Variants in MLLT10 observed in about 807,000 individuals in gnomAD.
MLLT10 encodes the protein protein AF-10.
In MLLT10, 30 loss-of-function variants were observed where a neutral mutation model predicts 129.1. The observed-to-expected ratio is 0.23, with a 90% CI of 0.17 to 0.32. The LOEUF (loss-of-function observed/expected upper bound fraction) is 0.32, where lower values mean the gene tolerates loss of function less well. MLLT10 is among the 10% of genes least tolerant of loss of function. MLLT10 has a pLI of 1.00. For synonymous variants in MLLT10, 490 were observed against 446.4 expected, an observed-to-expected ratio of 1.10 and a Z score of -1.23; for missense variants, 1,119 against 1,268.3, an observed-to-expected ratio of 0.88 and a Z score of 1.79.
chr10:21,561,055 G>T (rs1235953617), intron 3 of MLLT10, among the ~76,000 whole-genome samples: 3 of 152,102 alleles, frequency 2.0e-5, no homozygotes, highest in Admixed American at 6.6e-5. Context: ...TTGTCTTTTC[G>T]CTCTGTTGAG....
chr10:21,595,594 A>G lies in MLLT10; in HGVS notation c.405+154A>G, dbSNP rs182328663. The stretch of plus-strand genomic sequence containing the variant: ...AACTGCAGTTATTAAAATGTTATTA[A>G]TATGTTACTAAGGTCACAGGAGTAC... On this transcript the variant is annotated intron_variant, in intron 5 of 22. Coordinates refer to ENST00000307729, the MANE Select transcript of MLLT10 (RefSeq NM_001195626.3). 1,133 of 568,326 alleles carry G rather than the reference A, an allele frequency of 2.0e-3. 8 individuals are homozygous for G. Among genetic ancestry groups the G allele is most frequent in the African/African-American group, 0.019 (997 of 53,842 alleles). 35.2% of individuals were successfully genotyped at this position (568,326 alleles called of 1,614,324 possible). A position where few individuals can be genotyped will look rare whatever the true frequency, so the allele number is the denominator to read the frequency against.
chr10:21,555,675 A>AATT lies in MLLT10; in HGVS notation c.240+16763_240+16764insATT, dbSNP rs1554788897. On this transcript the variant is annotated intron_variant, in intron 3 of 22. Transcript: ENST00000307729. ...TCAGCCTTGATTCAAATGTAAGACAATTTTTTTTTTTTTTTTTTTGAGAGG... is the reference window on the plus strand; with the variant it reads ...TCAGCCTTGATTCAAATGTAAGACAAATTTTTTTTTTTTTTTTTTTTTGAGAGG... 2.3e-4 allele frequency among the ~76,000 whole-genome samples: 30 copies of AATT among 132,732 alleles called. 1 individual carries two copies. Among genetic ancestry groups the AATT allele is most frequent in the East Asian group, 4.5e-4 (2 of 4,418 alleles). 87.1% of individuals were successfully genotyped at this position (132,732 alleles called of 152,430 possible). A position where few individuals can be genotyped will look rare whatever the true frequency, so the allele number is the denominator to read the frequency against.
chr10:21,742,975 G>A lies in MLLT10; in HGVS notation c.*992G>A, dbSNP rs975830425. The stretch of plus-strand genomic sequence containing the variant: ...ACTAATGAGTCACAAGAAAAGGAGT[G>A]GATTTGGTAAGAATAGAGATTTGTT... On this transcript the variant is annotated 3_prime_UTR_variant, in exon 23 of 23. Coordinates refer to ENST00000307729, the MANE Select transcript of MLLT10 (RefSeq NM_001195626.3). The A allele has an allele frequency of 8.7e-6, 2 of 229,454 alleles. No homozygotes were observed. The highest frequency in any genetic ancestry group is 1.7e-5 in the Non-Finnish European group (2 of 115,802). The allele number at this position is 229,454 out of a possible 1,614,324, so 14.2% of individuals were successfully genotyped here. A position where few individuals can be genotyped will look rare whatever the true frequency, so the allele number is the denominator to read the frequency against.
intron 8 of MLLT10, among the ~76,000 whole-genome samples, chr10:21,648,963 A>G (rs975378064): frequency 1.3e-5 from 2 of 152,192 alleles, no homozygotes; most frequent in African/African-American, 4.8e-5. Context: ...ACCTCCTACC[A>G]GGTCCCTCCC....
At chr10:21,555,178 C>A (rs1167650337) in intron 3 of MLLT10, among the ~76,000 whole-genome samples, 1 of 151,808 alleles carries the variant, frequency 6.6e-6, no homozygotes, top group Non-Finnish European at 1.5e-5. Context: ...TTTTTGTAAT[C>A]TTCTGTTCAA....
In MLLT10 at chr10:21,733,833, G is replaced by T. The variant is rs768538380; in HGVS notation, c.2562G>T (p.Gly854=). 1.2e-6 allele frequency: 2 copies of T among 1,614,024 alleles called. No homozygotes were observed. Among genetic ancestry groups the T allele is most frequent in the Non-Finnish European group, 8.5e-7 (1 of 1,180,044 alleles). The change falls in exon 20 of 23, where the codon GGG becomes GGT. Residue 854 remains glycine (G), a synonymous_variant. Transcript: ENST00000307729. ...CTCTTTCTACCCCACCTCCTGCTGG[G>T]CAGAGTCCGGCTCAACAAGGCTCAG... The part of the protein sequence containing the change: ...SSALSTPPPA[G]QSPAQQGSGV...
chr10:21,557,131 C>T, intron 3 of MLLT10: 2 of 1,380,484 alleles, frequency 1.4e-6, no homozygotes, highest in South Asian at 3.7e-5. Context: ...TTTGTCTTTT[C>T]CTCTTCGCTG....
rs184502607 is a variant in MLLT10, at chr10:21,736,573, G to A, written c.2955+1338G>A. On this transcript the variant is annotated intron_variant, in intron 21 of 22. Transcript: ENST00000307729. ...TGGAATTACAGGTGTGAGCCACTGT[G>A]CCCAGCCAAGATGTTTTGAAGACAG... 2.2e-3 allele frequency among the ~76,000 whole-genome samples: 333 copies of A among 152,340 alleles called. 3 individuals carry two copies. Among genetic ancestry groups the A allele is most frequent in the African/African-American group, 7.7e-3 (320 of 41,572 alleles).
intron 3 of MLLT10, among the ~76,000 whole-genome samples, chr10:21,579,814 C>T (rs1178456865): frequency 8.6e-5 from 13 of 151,858 alleles, no homozygotes; most frequent in Non-Finnish European, 1.8e-4. Context: ...CCACCCACCT[C>T]GGCCTCCCAA....
In MLLT10 at chr10:21,670,683, G is replaced by C; in HGVS notation, c.1030G>C (p.Ala344Pro). The C allele has an allele frequency of 1.9e-6, 3 of 1,613,950 alleles. No homozygotes were observed. The highest frequency in any genetic ancestry group is 2.2e-5 in the South Asian group (2 of 91,042). The change falls in exon 10 of 23, where the codon GCA (alanine) becomes CCA (proline). Residue 344 changes from alanine (A) to proline (P), a missense_variant. Physicochemically the swap from Ala to Pro is conservative, Grantham distance 27. Transcript: ENST00000307729. ...GGRNPGTTVS[A>P]ASPFPQGSFS... ...AAGAAATCCAGGAACAACTGTGTCAGCAGCTAGCCCTTTTCCTCAAGGTAT... is the reference window on the plus strand; with the variant it reads ...AAGAAATCCAGGAACAACTGTGTCACCAGCTAGCCCTTTTCCTCAAGGTAT...
At chr10:21,539,043 CAAAT>C in intron 3 of MLLT10, 131 bp downstream of exon 3, 1 of 561,354 alleles carries the variant, frequency 1.8e-6, no homozygotes, top group Non-Finnish European at 3.1e-6. Context: ...TAATTTAGGC[CAAAT>C]ATTGACTTGG....
chr10:21,733,682 C>G, intron 19 of MLLT10, 86 bp from the exon 20 acceptor site: 4 of 1,495,434 alleles, frequency 2.7e-6, no homozygotes, highest in South Asian at 2.7e-5. Flanking sequence ...AACAGTTTTG[C>G]AGTGTTCTTT....
chr10:21,689,795 T>C (rs1340447612), intron 13 of MLLT10, among the ~76,000 whole-genome samples: 2 of 151,320 alleles, frequency 1.3e-5, no homozygotes, highest in African/African-American at 4.9e-5. Context: ...ACCTGTACTT[T>C]AGGAAGTTTC....
intron 8 of MLLT10, among the ~76,000 whole-genome samples, chr10:21,618,880 A>G (rs891929842): frequency 6.6e-6 from 1 of 152,054 alleles, no homozygotes; most frequent in East Asian, 1.9e-4. Flanking sequence ...TTACAGGCAC[A>G]TGCCACCATG....
At chr10:21,617,310 T>C (rs1434137980) in intron 8 of MLLT10, 103 bp downstream of exon 8, 3 of 442,488 alleles carry the variant, frequency 6.8e-6, no homozygotes, top group Non-Finnish European at 1.2e-5. Context: ...AATGGAGACA[T>C]TGAAATATAG....
intron 18 of MLLT10, 23 bp from the exon 19 acceptor site, chr10:21,733,481 C>A: frequency 2.9e-6 from 4 of 1,403,392 alleles, no homozygotes; most frequent in Non-Finnish European, 3.8e-6. Context: ...AAATAGGTTT[C>A]TTTTTGTCTT....
chr10:21,628,921 G>A (rs2046741415), intron 8 of MLLT10, among the ~76,000 whole-genome samples: 1 of 151,444 alleles, frequency 6.6e-6, no homozygotes, highest in Non-Finnish European at 1.5e-5. Flanking sequence ...GCTAAGTTTT[G>A]TATTTTTAGT....
chr10:21,730,757 A>G lies in MLLT10; in HGVS notation c.2064-143A>G, dbSNP rs2057903362. Reference sequence around the variant, plus strand: ...ATTTTAGGGTAGATTATGGTTTTCTAAATCCAGGAACCTGATACTTCTGGC... The same window carrying G: ...ATTTTAGGGTAGATTATGGTTTTCTGAATCCAGGAACCTGATACTTCTGGC... On this transcript the variant is annotated intron_variant, in intron 16 of 22. Coordinates refer to ENST00000307729, the MANE Select transcript of MLLT10 (RefSeq NM_001195626.3). The G allele has an allele frequency of 5.5e-6, 4 of 732,718 alleles. No homozygotes were observed. In the South Asian group the frequency reaches 7.5e-5, roughly 14 times the overall value. 45.4% of individuals were successfully genotyped at this position (732,718 alleles called of 1,614,324 possible).
chr10:21,553,904 C>A (rs574896730), intron 3 of MLLT10, among the ~76,000 whole-genome samples: 1 of 152,198 alleles, frequency 6.6e-6, no homozygotes, highest in Non-Finnish European at 1.5e-5. Context: ...CCCGTCTCAG[C>A]CTCCCAAAAT....
Sources: allele counts gnomAD v4.1 joint callset (sites outside exome capture counted in the v4.1 genomes callset), GRCh38; gene constraint gnomAD v4.1.1; transcripts MANE v1.5; gene names NCBI Gene and HGNC (gene_info 2026-07-23, HGNC 2026-07-21).